Variants in SEMA6D observed in about 807,000 individuals in gnomAD.
SEMA6D encodes semaphorin 6D.
SEMA6D carries 35 observed loss-of-function variants against 106.6 expected under a neutral mutation model. The observed-to-expected ratio is 0.33, with a 90% CI of 0.25 to 0.44. The LOEUF is 0.44. SEMA6D is among the 20% of genes least tolerant of loss of function. The probability of loss-of-function intolerance (pLI) is 1.00; values close to 1 mark genes in which losing one functional copy is unlikely to be tolerated. For synonymous variants in SEMA6D, 499 were observed against 487.7 expected (o/e 1.02, Z -0.31); for missense variants, 1,185 against 1,345.9 (o/e 0.88, Z 1.87).
chr15:47,528,176 A>G (rs1262471436), intron 3 of SEMA6D, among the ~76,000 whole-genome samples: 1 of 152,214 alleles, frequency 6.6e-6, no homozygotes, highest in African/African-American at 2.4e-5. Flanking sequence ...TAGCTGAATA[A>G]GGACAATGCT....
intron 4 of SEMA6D, among the ~76,000 whole-genome samples, chr15:47,688,477 A>G (rs888907419): frequency 1.3e-5 from 2 of 152,248 alleles, no homozygotes; most frequent in African/African-American, 4.8e-5. Flanking sequence ...TCATTCATTC[A>G]ACAATTATTA....
In SEMA6D at chr15:47,220,375, G is replaced by A. The variant is rs185398973; in HGVS notation, c.-239+35957G>A. Among the ~76,000 whole-genome samples the A allele has an allele frequency of 1.1e-4, 16 of 152,254 alleles. No homozygotes were observed. The East Asian group carries it at 3.1e-3, about 29-fold the overall frequency. On this transcript the variant is annotated intron_variant, in intron 1 of 19. Transcript: ENST00000558014. ...TGATTGTAGTAACAGATATACAATG[G>A]TTTATTTGTAATATTTAAAAGATAT...
intron 3 of SEMA6D, among the ~76,000 whole-genome samples, chr15:47,524,622 G>A (rs1039336760): frequency 3.3e-5 from 5 of 152,082 alleles, no homozygotes; most frequent in Non-Finnish European, 7.4e-5. Flanking sequence ...CAAAAGATTC[G>A]GAGGTGTGAT....
chr15:47,587,106 G>A (rs1396153912), intron 3 of SEMA6D, among the ~76,000 whole-genome samples: 1 of 152,130 alleles, frequency 6.6e-6, no homozygotes, highest in East Asian at 1.9e-4. Context: ...GGCCCAACCT[G>A]CTGGAGGAAG....
At chr15:47,387,095 A>G (rs546583910) in intron 1 of SEMA6D, among the ~76,000 whole-genome samples, 1 of 152,332 alleles carries the variant, frequency 6.6e-6, no homozygotes, top group African/African-American at 2.4e-5. Flanking sequence ...AAGTCAGCTT[A>G]TAGATGTGAC....
chr15:47,365,890 GGAGAGAGAGAGAGAGAGAGAGAGA>G (rs201368884), intron 1 of SEMA6D, among the ~76,000 whole-genome samples: 1 of 119,746 alleles, frequency 8.4e-6, no homozygotes, highest in African/African-American at 3.7e-5. Flanking sequence ...GAGAGAGAGA[GGAGAGAGAGAGAGAGAGAGAGAGA>G]GAGAGAGAGA....
chr15:47,444,605 C>G (rs2041975078), intron 2 of SEMA6D, among the ~76,000 whole-genome samples: 2 of 152,056 alleles, frequency 1.3e-5, no homozygotes, highest in East Asian at 1.9e-4. Flanking sequence ...TAAAATTACT[C>G]TAAGTCAGAC....
chr15:47,303,773 A>G (rs1020071328), intron 1 of SEMA6D, among the ~76,000 whole-genome samples: 14 of 152,122 alleles, frequency 9.2e-5, no homozygotes, highest in African/African-American at 3.4e-4. Context: ...ATAAGTTTAT[A>G]CTCAGTGTTG....
intron 1 of SEMA6D, among the ~76,000 whole-genome samples, chr15:47,361,122 T>TTCCTCACCTTC (rs2038788258): frequency 6.6e-6 from 1 of 152,226 alleles, no homozygotes; most frequent in African/African-American, 2.4e-5. Context: ...GGGTGTTCTC[T>TTCCTCACCTTC]TCCTTCTTCC....
intron 3 of SEMA6D, among the ~76,000 whole-genome samples, chr15:47,522,910 A>G (rs973001478): frequency 2.6e-5 from 4 of 152,320 alleles, no homozygotes; most frequent in Non-Finnish European, 2.9e-5. Context: ...CCTGTACCCA[A>G]TCATGGAAGG....
chr15:47,733,799 A>G (rs921928719), intron 1 of SEMA6D, among the ~76,000 whole-genome samples: 6 of 152,162 alleles, frequency 3.9e-5, no homozygotes, highest in African/African-American at 1.4e-4. Context: ...TGGTTTTTAT[A>G]TTTACTATTT....
At position 47,586,672 on chromosome 15, in the gene SEMA6D, G is replaced by A. The variant is rs547894248; in HGVS notation, c.-86-14193G>A. On this transcript the variant is annotated intron_variant, in intron 3 of 19. Coordinates refer to the SEMA6D transcript ENST00000558014. ...TACAATGGAGTTCTATGAGTAAAGC[G>A]CCCCCCATACCCCAACAGCTGGCTC... Among the ~76,000 whole-genome samples, 41 of 151,870 alleles carry A rather than the reference G, an allele frequency of 2.7e-4. 2 individuals carry two copies. In the East Asian group the frequency reaches 7.4e-3, roughly 27 times the overall value.
intron 4 of SEMA6D, among the ~76,000 whole-genome samples, chr15:47,704,329 T>A (rs890582001): frequency 6.6e-6 from 1 of 152,236 alleles, no homozygotes; most frequent in South Asian, 2.1e-4. Flanking sequence ...ATATATACCA[T>A]CACTTTATAT....
intron 2 of SEMA6D, among the ~76,000 whole-genome samples, chr15:47,414,630 T>C (rs778188988): frequency 7.9e-5 from 12 of 152,212 alleles, no homozygotes; most frequent in Admixed American, 3.3e-4. Context: ...CAGTAGACCA[T>C]GCTAAATTGA....
intron 1 of SEMA6D, among the ~76,000 whole-genome samples, chr15:47,369,149 A>T (rs140342777): frequency 1.3e-5 from 2 of 152,196 alleles, no homozygotes; most frequent in Non-Finnish European, 2.9e-5. Context: ...AAGGGCATTT[A>T]AGTGGCTTCT....
intron 1 of SEMA6D, among the ~76,000 whole-genome samples, chr15:47,207,941 T>C (rs1895186406): frequency 6.8e-6 from 1 of 147,556 alleles, no homozygotes; most frequent in South Asian, 2.1e-4. Flanking sequence ...GTACCAATAA[T>C]GGACAGGAGG....
intron 1 of SEMA6D, among the ~76,000 whole-genome samples, chr15:47,209,263 C>T (rs555205566): frequency 6.6e-6 from 1 of 152,180 alleles, no homozygotes; most frequent in Admixed American, 6.5e-5. Context: ...TTTTTATCTA[C>T]TTAGAATCTG....
intron 4 of SEMA6D, among the ~76,000 whole-genome samples, chr15:47,610,713 A>G (rs1186632486): frequency 1.3e-5 from 2 of 152,216 alleles, no homozygotes; most frequent in Non-Finnish European, 2.9e-5. Context: ...ATAAGTAGCA[A>G]TACTCTATGC....
At chr15:47,461,100 T>G (rs1168851950) in intron 2 of SEMA6D, among the ~76,000 whole-genome samples, 1 of 152,156 alleles carries the variant, frequency 6.6e-6, no homozygotes, top group East Asian at 1.9e-4. Context: ...TTGTACTTGC[T>G]CTTGTCTCAG....
Sources: allele counts gnomAD v4.1 joint callset (sites outside exome capture counted in the v4.1 genomes callset), GRCh38; gene constraint gnomAD v4.1.1; transcripts MANE v1.5; gene names NCBI Gene and HGNC (gene_info 2026-07-23, HGNC 2026-07-21).